GRM8: variants seen among roughly 807,000 people sequenced by gnomAD.
GRM8 encodes the protein glutamate metabotropic receptor 8, also known as metabotropic glutamate receptor 8.
GRM8 carries 47 observed loss-of-function variants against 87.2 expected under a neutral mutation model. The observed-to-expected ratio is 0.54, with a 90% CI of 0.43 to 0.69. The LOEUF (loss-of-function observed/expected upper bound fraction) is 0.69. Ranked by LOEUF, GRM8 falls within the 30% of genes least tolerant of loss-of-function variation. The pLI is 0.00. For missense variants in GRM8, 1,019 were observed against 1,139.2 expected, an observed-to-expected ratio of 0.89 and a Z score of 1.52; for synonymous variants, 396 against 404.5, an observed-to-expected ratio of 0.98 and a Z score of 0.25.
intron 3 of GRM8, among the ~76,000 whole-genome samples, chr7:127,074,675 T>C (rs1586924394): frequency 6.6e-6 from 1 of 152,312 alleles, no homozygotes. Flanking sequence ...CCAAAATATT[T>C]CATCCAGTCT....
intron 3 of GRM8, among the ~76,000 whole-genome samples, chr7:127,071,051 C>A (rs2132675553): frequency 6.6e-6 from 1 of 152,258 alleles, no homozygotes; most frequent in East Asian, 1.9e-4. Context: ...TCTGGGTCTG[C>A]AAACGGCATT....
At chr7:126,507,110 T>G (rs551268535) in intron 9 of GRM8, among the ~76,000 whole-genome samples, 62 of 151,828 alleles carry the variant, frequency 4.1e-4, no homozygotes, top group African/African-American at 1.4e-3. Context: ...GCAATATGCT[T>G]TCTTGTGGCA....
chr7:127,203,321 ATGCTCACTACC>A (rs1412541862), intron 2 of GRM8, among the ~76,000 whole-genome samples: 6 of 152,326 alleles, frequency 3.9e-5, no homozygotes, highest in Admixed American at 6.5e-5. Context: ...ATTGGCTGCT[ATGCTCACTACC>A]TGGATAACAG....
chr7:127,226,069 A>G (rs770955656), intron 2 of GRM8, among the ~76,000 whole-genome samples: 16 of 152,250 alleles, frequency 1.1e-4, no homozygotes, highest in Non-Finnish European at 1.6e-4. Flanking sequence ...TCAACATAAA[A>G]GCATCTTAAT....
chr7:127,120,190 C>T (rs1254489562), intron 2 of GRM8, among the ~76,000 whole-genome samples: 2 of 152,224 alleles, frequency 1.3e-5, no homozygotes, highest in East Asian at 1.9e-4. Context: ...CAGCTATCAT[C>T]TATGCATGGC....
At chr7:126,775,429 A>G (rs1236283261) in intron 6 of GRM8, among the ~76,000 whole-genome samples, 1 of 151,094 alleles carries the variant, frequency 6.6e-6, no homozygotes, top group African/African-American at 2.5e-5. Flanking sequence ...GAACCATGCC[A>G]AGAACCACAT....
chr7:126,588,859 C>T (rs1411643282), intron 8 of GRM8, among the ~76,000 whole-genome samples: 2 of 152,150 alleles, frequency 1.3e-5, no homozygotes, highest in African/African-American at 2.4e-5. Context: ...CTGGGGAACT[C>T]GAAGGTCCAG....
chr7:127,129,806 T>G (rs1587095713), intron 2 of GRM8, among the ~76,000 whole-genome samples: 2 of 152,320 alleles, frequency 1.3e-5, no homozygotes, highest in African/African-American at 4.8e-5. Context: ...ATTTTCTGAA[T>G]TTGGACCGCT....
chr7:127,020,050 C>T (rs1323055376), intron 3 of GRM8, among the ~76,000 whole-genome samples: 7 of 151,978 alleles, frequency 4.6e-5, no homozygotes, highest in Non-Finnish European at 7.4e-5. Flanking sequence ...AAGTGTAACA[C>T]AAAAAGTGAG....
chr7:126,879,936 A>G (rs1230467704), intron 6 of GRM8, among the ~76,000 whole-genome samples: 1 of 152,036 alleles, frequency 6.6e-6, no homozygotes, highest in Non-Finnish European at 1.5e-5. Context: ...CAGTCTTTAC[A>G]AACAATTTTT....
intron 3 of GRM8, among the ~76,000 whole-genome samples, chr7:127,035,788 C>T (rs1817791200): frequency 6.6e-6 from 1 of 152,138 alleles, no homozygotes; most frequent in Non-Finnish European, 1.5e-5. Context: ...TAATTCTTCC[C>T]GTAGAGGAGC....
chr7:127,039,523 G>T (rs1290595121), intron 3 of GRM8, among the ~76,000 whole-genome samples: 1 of 151,506 alleles, frequency 6.6e-6, no homozygotes. Flanking sequence ...TAATTTATTT[G>T]GGGGAAACTC....
chr7:126,776,282 A>C (rs1819459942), intron 6 of GRM8, among the ~76,000 whole-genome samples: 1 of 152,140 alleles, frequency 6.6e-6, no homozygotes, highest in African/African-American at 2.4e-5. Flanking sequence ...AAGGAATGAG[A>C]GAAAATATGT....
intron 7 of GRM8, among the ~76,000 whole-genome samples, chr7:126,688,681 C>T (rs139751884): frequency 6.6e-6 from 1 of 151,998 alleles, no homozygotes; most frequent in East Asian, 1.9e-4. Context: ...TTTAGAGTCA[C>T]AGAGATCTTG....
At chr7:126,774,935 ACTT>A (rs1819247743) in intron 6 of GRM8, among the ~76,000 whole-genome samples, 1 of 152,090 alleles carries the variant, frequency 6.6e-6, no homozygotes, top group Non-Finnish European at 1.5e-5. Context: ...GGCATATAAA[ACTT>A]CTAATATCAA....
chr7:126,488,549 C>T (rs960780576), intron 9 of GRM8, among the ~76,000 whole-genome samples: 12 of 151,962 alleles, frequency 7.9e-5, no homozygotes, highest in Admixed American at 7.2e-4. Context: ...GTAAAACACA[C>T]CTTTTTCCCC....
At chr7:126,955,012 G>C (rs1808530062) in intron 3 of GRM8, among the ~76,000 whole-genome samples, 1 of 152,154 alleles carries the variant, frequency 6.6e-6, no homozygotes, top group Admixed American at 6.5e-5. Context: ...AGAATGAGGA[G>C]AGCTTGCAGA....
At position 126,495,100 on chromosome 7, in the gene GRM8, C is replaced by A. The variant is rs1010985538; in HGVS notation, c.2430+37852G>T. On this transcript the variant is annotated intron_variant, in intron 9 of 10. Transcript: ENST00000339582. ...GACCTATTAATAATAGAAGCATTTG[C>A]AAACTGTGCAACAGTTCTGGTACAG... is the stretch of plus-strand genomic sequence containing the variant. Among the ~76,000 whole-genome samples the A allele has an allele frequency of 2.0e-5, 3 of 151,888 alleles. No individual in the cohort carries two copies. The East Asian group carries it at 5.8e-4, about 30-fold the overall frequency.
At chr7:126,778,788 A>G (rs1214745491) in intron 6 of GRM8, among the ~76,000 whole-genome samples, 1 of 152,148 alleles carries the variant, frequency 6.6e-6, no homozygotes, top group Non-Finnish European at 1.5e-5. Context: ...AATATGTTAC[A>G]GTCATTTCAG....
Sources: allele counts gnomAD v4.1 joint callset (sites outside exome capture counted in the v4.1 genomes callset), GRCh38; gene constraint gnomAD v4.1.1; transcripts MANE v1.5; gene names NCBI Gene and HGNC (gene_info 2026-07-23, HGNC 2026-07-21).